SCFD2: variants seen among roughly 807,000 people sequenced by gnomAD.
SCFD2 encodes sec1 family domain-containing protein 2.
Under a neutral mutation model 58.9 loss-of-function variants are expected in SCFD2, and 54 were observed. The observed-to-expected ratio is 0.92, with a 90% confidence interval of 0.74 to 1.15. The LOEUF is 1.15. Among genes scored for constraint, SCFD2 ranks in the 50% most tolerant of loss-of-function variants. SCFD2 has a pLI of 0.00. For synonymous variants in SCFD2, 321 were observed against 335.9 expected (o/e 0.96, Z 0.49); for missense variants, 805 against 836.6 (o/e 0.96, Z 0.47).
At chr4:53,041,431 A>G (rs181627193) in intron 5 of SCFD2, among the ~76,000 whole-genome samples, 73 of 152,332 alleles carry the variant, frequency 4.8e-4, no homozygotes, top group African/African-American at 1.7e-3. Flanking sequence ...CTACCATTCT[A>G]TTCAAAATAA....
intron 3 of SCFD2, among the ~76,000 whole-genome samples, chr4:53,279,468 G>A (rs1366190192): frequency 6.6e-6 from 1 of 152,036 alleles, no homozygotes; most frequent in African/African-American, 2.4e-5. Context: ...ATTTAGCTAA[G>A]AGAAAAACAC....
intron 4 of SCFD2, among the ~76,000 whole-genome samples, chr4:53,238,079 G>T (rs1190472203): frequency 7.7e-6 from 1 of 130,144 alleles, no homozygotes; most frequent in Non-Finnish European, 1.7e-5. Flanking sequence ...CCTCCCGGAT[G>T]GGGCGGCTGG....
chr4:53,305,939 T>A (rs1732499963), intron 3 of SCFD2, among the ~76,000 whole-genome samples: 1 of 152,234 alleles, frequency 6.6e-6, no homozygotes, highest in Non-Finnish European at 1.5e-5. Flanking sequence ...ACTGACACTG[T>A]TAATTCAAGA....
intron 5 of SCFD2, among the ~76,000 whole-genome samples, chr4:53,136,497 G>T (rs1221308939): frequency 6.6e-6 from 1 of 152,150 alleles, no homozygotes; most frequent in Non-Finnish European, 1.5e-5. Context: ...TTAAAGGAAA[G>T]AATTGTCATG....
At chr4:52,882,092 CAAG>C (rs1201416503) in intron 8 of SCFD2, among the ~76,000 whole-genome samples, 1 of 152,074 alleles carries the variant, frequency 6.6e-6, no homozygotes, top group Admixed American at 6.6e-5. Flanking sequence ...TGGTTCCAAT[CAAG>C]TGCGAGACAG....
intron 4 of SCFD2, among the ~76,000 whole-genome samples, chr4:53,195,002 C>A (rs1022603872): frequency 6.6e-6 from 1 of 151,992 alleles, no homozygotes; most frequent in East Asian, 1.9e-4. Flanking sequence ...ATGTAAAAAC[C>A]CCAAGTGGCT....
At chr4:53,175,001 G>A (rs1358336839) in intron 4 of SCFD2, among the ~76,000 whole-genome samples, 1 of 152,122 alleles carries the variant, frequency 6.6e-6, no homozygotes, top group African/African-American at 2.4e-5. Flanking sequence ...GTCTTACTCA[G>A]CTCTAATTTC....
chr4:53,340,697 G>T (rs1478038862), intron 2 of SCFD2, among the ~76,000 whole-genome samples: 2 of 152,216 alleles, frequency 1.3e-5, no homozygotes, highest in Non-Finnish European at 2.9e-5. Flanking sequence ...TAGCCCAACT[G>T]TGAGGCAATT....
intron 3 of SCFD2, among the ~76,000 whole-genome samples, chr4:53,294,536 T>G (rs935228580): frequency 6.6e-5 from 10 of 152,238 alleles, no homozygotes; most frequent in African/African-American, 2.2e-4. Flanking sequence ...TTCTGGATAT[T>G]AGCCCTTTGT....
At chr4:52,887,656 C>T (rs951476447) in intron 7 of SCFD2, among the ~76,000 whole-genome samples, 1 of 152,142 alleles carries the variant, frequency 6.6e-6, no homozygotes, top group Non-Finnish European at 1.5e-5. Flanking sequence ...CAGCTGCCTG[C>T]GTGGCCACCA....
intron 2 of SCFD2, among the ~76,000 whole-genome samples, chr4:53,329,530 G>C (rs867485183): frequency 0.011 from 1,688 of 149,398 alleles, 14 homozygotes; most frequent in Non-Finnish European, 0.015. Flanking sequence ...CTGCAGCTGA[G>C]GGTCCTGTCT....
chr4:53,163,748 G>A (rs1726923065), intron 4 of SCFD2, among the ~76,000 whole-genome samples: 1 of 151,976 alleles, frequency 6.6e-6, no homozygotes, highest in African/African-American at 2.4e-5. Flanking sequence ...TCAGAGGGGA[G>A]GAGAGAGGAG....
At chr4:53,203,559 C>A in intron 4 of SCFD2, among the ~76,000 whole-genome samples, 1 of 151,458 alleles carries the variant, frequency 6.6e-6, no homozygotes, top group East Asian at 1.9e-4. Flanking sequence ...ATTAATAAAC[C>A]CACAAATGCA....
chr4:53,208,973 G>A (rs1728520573), intron 4 of SCFD2, among the ~76,000 whole-genome samples: 1 of 152,070 alleles, frequency 6.6e-6, no homozygotes, highest in Admixed American at 6.5e-5. Flanking sequence ...ACCCTAGTTT[G>A]AATTCCCTGC....
chr4:52,877,849 C>A (rs151306884), intron 8 of SCFD2, among the ~76,000 whole-genome samples: 2 of 152,330 alleles, frequency 1.3e-5, no homozygotes, highest in Non-Finnish European at 1.5e-5. Context: ...GTAAGCCCAG[C>A]CCTCCCGGAG....
chr4:52,889,479 G>T (rs1718831214), intron 7 of SCFD2, among the ~76,000 whole-genome samples: 1 of 152,162 alleles, frequency 6.6e-6, no homozygotes, highest in South Asian at 2.1e-4. Context: ...ATAGCTCTTA[G>T]GATAAAGTTC....
intron 2 of SCFD2, among the ~76,000 whole-genome samples, chr4:53,343,902 T>C (rs962175522): frequency 2.0e-5 from 3 of 152,156 alleles, no homozygotes; most frequent in African/African-American, 7.2e-5. Context: ...AAAATTCAAC[T>C]GCCCTTCATA....
chr4:53,307,798 C>A (rs1732563024), intron 3 of SCFD2, among the ~76,000 whole-genome samples: 1 of 152,130 alleles, frequency 6.6e-6, no homozygotes, highest in Non-Finnish European at 1.5e-5. Flanking sequence ...GTTAGAAGAA[C>A]TGCACACTGG....
intron 5 of SCFD2, among the ~76,000 whole-genome samples, chr4:53,137,110 G>A (rs1199969957): frequency 2.0e-5 from 3 of 152,058 alleles, no homozygotes; most frequent in Non-Finnish European, 4.4e-5. Flanking sequence ...TCCTTACTTT[G>A]TTTATGACAA....
Sources: gnomAD v4.1 joint callset for allele counts (sites outside exome capture counted in the v4.1 genomes callset) on GRCh38, gnomAD v4.1.1 for gene constraint, MANE v1.5 for transcripts, NCBI Gene and HGNC (gene_info 2026-07-23, HGNC 2026-07-21) for gene names.